Variants in SAMD9 observed in about 807,000 individuals in gnomAD.
SAMD9 encodes sterile alpha motif domain containing 9, also known as sterile alpha motif domain-containing protein 9.
In SAMD9, 3 loss-of-function variants were observed where a neutral mutation model predicts 1.5. The ratio of observed to expected loss-of-function variants is 2.05; its 90% CI spans 0.93 to 5.29. The LOEUF (loss-of-function observed/expected upper bound fraction) is 5.29. SAMD9 is among the 30% of genes most tolerant of loss of function. SAMD9 has a pLI of 0.02. For synonymous variants in SAMD9, 635 were observed against 631.9 expected, an observed-to-expected ratio of 1.00 and a Z score of -0.07; for missense variants, 1,597 against 1,820.8, an observed-to-expected ratio of 0.88 and a Z score of 2.24.
chr7:93,116,537 TG>T (rs1474879624), intron 1 of SAMD9, among the ~76,000 whole-genome samples: 1 of 152,232 alleles, frequency 6.6e-6, no homozygotes, highest in African/African-American at 2.4e-5. Flanking sequence ...AAATTGTTGA[TG>T]ATGTCACTCT....
In SAMD9 at chr7:93,105,864, G is replaced by A. The variant is rs1791632686; in HGVS notation, c.234C>T (p.Ala78=). 1.2e-6 allele frequency: 2 copies of A among 1,614,090 alleles called. No individual in the cohort carries two copies. The highest frequency in any genetic ancestry group is 1.7e-6 in the Non-Finnish European group (2 of 1,180,008). Reference sequence around the variant, plus strand: ...TAGATGTCTGAATCGAATCTTCAATGGCTGTTTTCCGCAATTCTTTGAATA... The same window carrying A: ...TAGATGTCTGAATCGAATCTTCAATAGCTGTTTTCCGCAATTCTTTGAATA... ...EELFKELRKT[A]IEDSIQTSKM... is the part of the protein sequence containing the mutation. The change falls in exon 3 of 3, where the codon GCC becomes GCT. Residue 78 remains alanine, a synonymous_variant. Coordinates refer to ENST00000379958, the MANE Select transcript of SAMD9 (RefSeq NM_017654.4).
intron 2 of SAMD9, among the ~76,000 whole-genome samples, chr7:93,108,580 G>A (rs1381728841): frequency 1.3e-5 from 2 of 152,122 alleles, no homozygotes; most frequent in African/African-American, 2.4e-5. Flanking sequence ...ACGGTACTTG[G>A]AAAATTGGGA....
intron 1 of SAMD9, among the ~76,000 whole-genome samples, chr7:93,115,123 A>G (rs1474592673): frequency 1.3e-5 from 2 of 152,116 alleles, no homozygotes; most frequent in African/African-American, 4.8e-5. Flanking sequence ...ATGAAGTGCA[A>G]TTAGAAGTGT....
At chr7:93,108,056 T>C (rs562643832) in intron 2 of SAMD9, among the ~76,000 whole-genome samples, 2 of 152,354 alleles carry the variant, frequency 1.3e-5, no homozygotes, top group Non-Finnish European at 2.9e-5. Context: ...TAAAGAGTTG[T>C]AAGGAACAAT....
chr7:93,104,527 A>G lies in SAMD9; in HGVS notation c.1571T>C (p.Leu524Pro). Residue 524 changes from leucine to proline, a missense_variant, in exon 3 of 3, where the codon CTG becomes CCG. Coordinates refer to ENST00000379958, the MANE Select transcript of SAMD9 (RefSeq NM_017654.4). ...QRERASDVRKLISFLTHEDIM... is the reference protein window; with the variant it reads ...QRERASDVRKPISFLTHEDIM... ...GTCTTCATGTGTAAGAAATGAAATCAGTTTCCTGACATCAGAAGCTCTTTC... is the reference window on the plus strand; with the variant it reads ...GTCTTCATGTGTAAGAAATGAAATCGGTTTCCTGACATCAGAAGCTCTTTC... 7 of 1,614,058 alleles carry G rather than the reference A, an allele frequency of 4.3e-6. No homozygotes were observed. The highest frequency in any genetic ancestry group is 5.1e-6 in the Non-Finnish European group (6 of 1,179,916).
At chr7:93,108,571 C>T (rs184782233) in intron 2 of SAMD9, among the ~76,000 whole-genome samples, 54 of 152,216 alleles carry the variant, frequency 3.5e-4, no homozygotes, top group African/African-American at 1.2e-3. Context: ...CCATGACTGA[C>T]GGTACTTGGA....
At chr7:93,111,049 G>A (rs1445924465) in intron 2 of SAMD9, among the ~76,000 whole-genome samples, 2 of 152,010 alleles carry the variant, frequency 1.3e-5, no homozygotes, top group Non-Finnish European at 2.9e-5. Flanking sequence ...TGACCACATA[G>A]TTGGAAGTAA....
At chr7:93,115,605 C>T (rs904553850) in intron 1 of SAMD9, among the ~76,000 whole-genome samples, 1 of 152,042 alleles carries the variant, frequency 6.6e-6, no homozygotes, top group African/African-American at 2.4e-5. Flanking sequence ...CAGATAAGTA[C>T]ATATTAAAAT....
Position 93,104,744 on chromosome 7 carries a change from C to T in SAMD9, c.1354G>A (p.Val452Ile), listed in dbSNP as rs1272726890. ...FDPESNINGV[V>I]KAYKESRVAN... ...ACTCGGCTTTCTTTGTAAGCTTTGA[C>T]CACTCCATTGATGTTAGACTCAGGA... The change falls in exon 3 of 3, where the codon GTC (valine) becomes ATC (isoleucine). Residue 452 changes from valine (V) to isoleucine (I), a missense_variant. Transcript: ENST00000379958. 1 of 1,613,908 alleles carries T rather than the reference C, an allele frequency of 6.2e-7. No homozygotes were observed. Among genetic ancestry groups the T allele is most frequent in the South Asian group, 1.1e-5 (1 of 91,078 alleles).
chr7:93,105,295 A>G lies in SAMD9; in HGVS notation c.803T>C (p.Ile268Thr), dbSNP rs1381981662. ...EALINHFNLM[I>T]NKYFEDHQVQ... Reference sequence around the variant, plus strand: ...TTGATGGTCTTCAAAATACTTGTTTATCATCAGATTGAAATGGTTAATGAG... The same window carrying G: ...TTGATGGTCTTCAAAATACTTGTTTGTCATCAGATTGAAATGGTTAATGAG... The change falls in exon 3 of 3, where the codon ATA becomes ACA. Residue 268 changes from isoleucine to threonine, a missense_variant. Around this residue, in one of 6 missense-constraint regions of SAMD9, gnomAD observed 498 missense variants for 457.4 expected, o/e 1.09. Transcript: ENST00000379958. 6.0e-5 allele frequency: 97 copies of G among 1,613,876 alleles called. 1 individual carries two copies. The East Asian group carries it at 2.1e-3, about 35-fold the overall frequency.
intron 2 of SAMD9, among the ~76,000 whole-genome samples, chr7:93,108,072 C>T (rs1791674103): frequency 6.6e-6 from 1 of 152,150 alleles, no homozygotes; most frequent in Non-Finnish European, 1.5e-5. Flanking sequence ...ACAATGTCTA[C>T]AATACTTGGA....
chr7:93,109,476 A>C (rs972571187), intron 2 of SAMD9, among the ~76,000 whole-genome samples: 8 of 151,754 alleles, frequency 5.3e-5, no homozygotes, highest in Admixed American at 5.3e-4. Flanking sequence ...TGAGAGAAGA[A>C]GTCTTCAAAC....
At position 93,104,307 on chromosome 7, in the gene SAMD9, G is replaced by C; in HGVS notation, c.1791C>G (p.His597Gln). 1 of 1,613,538 alleles carries C rather than the reference G, an allele frequency of 6.2e-7. No homozygotes were observed. Among genetic ancestry groups the C allele is most frequent in the Non-Finnish European group, 8.5e-7 (1 of 1,179,684 alleles). ...TACATTGGCTTGAAATTTCATCTTG[G>C]TGTTTTATTAATCTTGCTTCAAGTA... ...KDLLEARLIK[H>Q]QDEISSQCIS... is the part of the protein sequence containing the mutation. The change falls in exon 3 of 3, where the codon CAC becomes CAG. Residue 597 changes from histidine to glutamine, a missense_variant. This residue lies in a region of SAMD9 where 358 missense variants were observed against 460.4 expected (regional missense o/e 0.78). Coordinates refer to ENST00000379958, the MANE Select transcript of SAMD9 (RefSeq NM_017654.4).
Position 93,105,757 on chromosome 7 carries a change from T to C in SAMD9, c.341A>G (p.Gln114Arg). The change falls in exon 3 of 3, where the codon CAA (glutamine) becomes CGA (arginine). Residue 114 changes from glutamine (Q) to arginine (R), a missense_variant. Coordinates refer to ENST00000379958, the MANE Select transcript of SAMD9 (RefSeq NM_017654.4). ...KERRETSKQKQKGKENPDMAN... is the reference protein window; with the variant it reads ...KERRETSKQKRKGKENPDMAN... ...CATATCTGGGTTCTCTTTACCCTTT[T>C]GTTTTTGCTTTGAAGTTTCTCTACG... is the stretch of plus-strand genomic sequence containing the variant. 1.2e-6 allele frequency: 2 copies of C among 1,614,078 alleles called. No homozygotes were observed. Among genetic ancestry groups the C allele is most frequent in the East Asian group, 2.2e-5 (1 of 44,866 alleles).
chr7:93,114,671 C>CA (rs1791805439), intron 2 of SAMD9, 124 bp downstream of exon 2: 1 of 151,474 alleles, frequency 6.6e-6, no homozygotes, highest in South Asian at 2.1e-4. Context: ...AATGATTAAC[C>CA]AAAAAATAAA....
intron 2 of SAMD9, among the ~76,000 whole-genome samples, chr7:93,107,215 T>C (rs1395163084): frequency 3.3e-5 from 5 of 152,086 alleles, no homozygotes; most frequent in Admixed American, 3.3e-4. Context: ...CTTGTTGTGT[T>C]ATTTTAATTG....
At position 93,102,958 on chromosome 7, in the gene SAMD9, G is replaced by A. The variant is rs1791562123; in HGVS notation, c.3140C>T (p.Thr1047Ile). Residue 1047 changes from threonine (T) to isoleucine (I), a missense_variant, in exon 3 of 3, where the codon ACA (threonine) becomes ATA (isoleucine). This residue lies in a region of SAMD9 where 682 missense variants were observed against 810.0 expected (regional missense o/e 0.84). Coordinates refer to ENST00000379958, the MANE Select transcript of SAMD9 (RefSeq NM_017654.4). ...AATAAATGGGGAAAACCAATTTCCT[G>A]TTTCACCTTCATGTTCATCGCGGTG... ...TRHRDEHEGE[T>I]GNWFSPFIEA... 1 of 1,613,868 alleles carries A rather than the reference G, an allele frequency of 6.2e-7. No individual in the cohort carries two copies. The highest frequency in any genetic ancestry group is 8.5e-7 in the Non-Finnish European group (1 of 1,179,812).
chr7:93,105,380 T>G lies in SAMD9; in HGVS notation c.718A>C (p.Lys240Gln), dbSNP rs1276231898. The G allele has an allele frequency of 3.1e-6, 5 of 1,614,072 alleles. No homozygotes were observed. Among genetic ancestry groups the G allele is most frequent in the Non-Finnish European group, 4.2e-6 (5 of 1,179,994 alleles). The stretch of plus-strand genomic sequence containing the variant: ...ACAATTTTCCCATGGGGTTTGTCTT[T>G]GACTCCAAAATGAATAGTGCCATTG... ...RTNGTIHFGVKDKPHGKIVGI... is the reference protein window; with the variant it reads ...RTNGTIHFGVQDKPHGKIVGI... Residue 240 changes from lysine (K) to glutamine (Q), a missense_variant, in exon 3 of 3, where the codon AAA (lysine) becomes CAA (glutamine). By Grantham distance (53) the Lys-to-Gln change is moderately conservative. This residue lies in a region of SAMD9 where 498 missense variants were observed against 457.4 expected (regional missense o/e 1.09). Transcript: ENST00000379958.
chr7:93,105,868 G>GT lies in SAMD9; in HGVS notation c.229dup (p.Thr77AsnfsTer4), dbSNP rs781631515. ...TGTCTGAATCGAATCTTCAATGGCT[G>GT]TTTTCCGCAATTCTTTGAATAGTTC... On this transcript the variant is annotated frameshift_variant, in exon 3 of 3. Coordinates refer to ENST00000379958, the MANE Select transcript of SAMD9 (RefSeq NM_017654.4). LOFTEE classifies it low-confidence loss of function (END_TRUNC). 2 of 1,614,096 alleles carry GT rather than the reference G, an allele frequency of 1.2e-6. No individual in the cohort carries two copies. Among genetic ancestry groups the GT allele is most frequent in the Non-Finnish European group, 1.7e-6 (2 of 1,180,010 alleles).
Sources: allele counts gnomAD v4.1 joint callset (sites outside exome capture counted in the v4.1 genomes callset), GRCh38; gene constraint gnomAD v4.1.1; regional missense constraint gnomAD v4.1.1; transcripts MANE v1.5; gene names NCBI Gene and HGNC (gene_info 2026-07-23, HGNC 2026-07-21).